SYNE1: variants seen among roughly 807,000 people sequenced by gnomAD.
SYNE1 encodes the protein nesprin-1.
SYNE1 carries 616 observed loss-of-function variants against 1,111.0 expected under a neutral mutation model. The observed-to-expected ratio is 0.55, with a 90% CI of 0.52 to 0.59. The LOEUF (loss-of-function observed/expected upper bound fraction) is 0.59, where lower values mean the gene tolerates loss of function less well. Among genes scored for constraint, SYNE1 ranks in the 20% least tolerant of loss-of-function variants. The pLI is 0.00. For synonymous variants in SYNE1, 3,855 were observed against 3,825.8 expected (o/e 1.01, Z -0.28); for missense variants, 10,006 against 10,417.0 (o/e 0.96, Z 1.72).
chr6:152,245,644 G>A (rs1013204879), intron 105 of SYNE1, among the ~76,000 whole-genome samples: 2 of 152,168 alleles, frequency 1.3e-5, no homozygotes, highest in African/African-American at 4.8e-5. Flanking sequence ...AAGAATACAT[G>A]ATAATTGACT....
Position 152,249,155 on chromosome 6 carries a change from A to C in SYNE1, c.19572+6T>G, listed in dbSNP as rs757386541. On this transcript the variant is annotated splice_donor_region_variant and intron_variant, in intron 105 of 145. Transcript: ENST00000367255. The stretch of plus-strand genomic sequence containing the variant: ...TTCTCTTCTAGGAAAAGGCAGCTAT[A>C]AATACCTCTATTTGTTCTGCTACGG... 10 of 1,594,956 alleles carry C rather than the reference A, an allele frequency of 6.3e-6. No homozygotes were observed. Among genetic ancestry groups the C allele is most frequent in the Non-Finnish European group, 6.0e-6 (7 of 1,162,588 alleles).
At chr6:152,633,444 C>T (rs375037597) in intron 2 of SYNE1, among the ~76,000 whole-genome samples, 14 of 152,268 alleles carry the variant, frequency 9.2e-5, no homozygotes, top group African/African-American at 2.4e-4. Context: ...AGCTTATGTG[C>T]CGGTAGAGGA....
In SYNE1 at chr6:152,236,177, A is replaced by G; in HGVS notation, c.20326T>C (p.Trp6776Arg). ...ESQLNQLGEC[W>R]LSNTNKMSKE... ...GACATTTTATTGGTGTTACTTAGCC[A>G]GCACTCTCCAAGTTGATTTAGTTGG... The change falls in exon 110 of 146, where the codon TGG becomes CGG. Residue 6776 changes from tryptophan to arginine, a missense_variant. By Grantham distance (101) the Trp-to-Arg change is moderately radical. Coordinates refer to ENST00000367255, the MANE Select transcript of SYNE1 (RefSeq NM_182961.4). 6.2e-7 allele frequency: 1 copy of G among 1,614,234 alleles called. No homozygotes were observed. The highest frequency in any genetic ancestry group is 2.2e-5 in the East Asian group (1 of 44,880).
chr6:152,477,981 G>T (rs534930121), intron 14 of SYNE1, among the ~76,000 whole-genome samples: 76 of 152,176 alleles, frequency 5.0e-4, no homozygotes, highest in Non-Finnish European at 9.6e-4. Flanking sequence ...TGGCCAGGTT[G>T]GTCTCAAACT....
intron 145 of SYNE1, 143 bp downstream of exon 145, chr6:152,130,577 G>A (rs904608099): frequency 5.1e-6 from 4 of 784,926 alleles, no homozygotes; most frequent in Non-Finnish European, 8.8e-6. Flanking sequence ...CTCTTCCAAT[G>A]TATGAGGAAA....
Position 152,507,476 on chromosome 6 carries a change from C to T in SYNE1, c.582-2079G>A, listed in dbSNP as rs112122838. On this transcript the variant is annotated intron_variant, in intron 8 of 145. Transcript: ENST00000367255. ...AAATATATGTAGGTATGCACACACA[C>T]ACATACACACACACTGTTTCCTATT... 9.2e-4 allele frequency among the ~76,000 whole-genome samples: 140 copies of T among 152,224 alleles called. 1 individual carries two copies. Among genetic ancestry groups the T allele is most frequent in the African/African-American group, 3.2e-3 (132 of 41,536 alleles).
At chr6:152,241,145 C>T (rs759196428) in intron 107 of SYNE1, among the ~76,000 whole-genome samples, 30 of 152,156 alleles carry the variant, frequency 2.0e-4, no homozygotes, top group Non-Finnish European at 3.7e-4. Context: ...ACTCATTGAT[C>T]CTAGTTTCCC....
intron 91 of SYNE1, among the ~76,000 whole-genome samples, chr6:152,306,958 C>T (rs902192850): frequency 6.5e-5 from 8 of 122,534 alleles, no homozygotes; most frequent in Non-Finnish European, 1.3e-4. Context: ...AACCGTACAA[C>T]AAAAAAGTTT....
chr6:152,500,577 T>C (rs1420613198), intron 10 of SYNE1, among the ~76,000 whole-genome samples: 2 of 152,244 alleles, frequency 1.3e-5, no homozygotes, highest in African/African-American at 4.8e-5. Context: ...TTTCTAACTA[T>C]TGGCGTGATG....
chr6:152,497,383 C>G (rs2099005371), intron 11 of SYNE1, among the ~76,000 whole-genome samples: 1 of 152,188 alleles, frequency 6.6e-6, no homozygotes, highest in Non-Finnish European at 1.5e-5. Flanking sequence ...GTTTTATTAT[C>G]AGTTGATTCT....
intron 145 of SYNE1, chr6:152,129,076 G>A (rs1236224538): frequency 6.6e-6 from 1 of 152,280 alleles, no homozygotes; most frequent in Admixed American, 6.5e-5. Context: ...GGCGCCTTGC[G>A]AGTGTCGTAG....
intron 3 of SYNE1, among the ~76,000 whole-genome samples, chr6:152,585,937 CTG>C (rs767338011): frequency 1.4e-4 from 22 of 151,952 alleles, no homozygotes; most frequent in Non-Finnish European, 2.5e-4. Flanking sequence ...TTTGGGGTGT[CTG>C]TGTGTGCTGT....
At chr6:152,381,522 T>C (rs963453302) in intron 55 of SYNE1, 160 bp from the exon 56 acceptor site, 31 of 752,836 alleles carry the variant, frequency 4.1e-5, no homozygotes, top group African/African-American at 4.0e-4. Context: ...TAAATTATAA[T>C]AGCGGGAGTT....
At chr6:152,137,723 T>C (rs1441111974) in intron 140 of SYNE1, among the ~76,000 whole-genome samples, 1 of 152,200 alleles carries the variant, frequency 6.6e-6, no homozygotes, top group Non-Finnish European at 1.5e-5. Context: ...AGCCCTGCAA[T>C]GTTCCCAATC....
intron 5 of SYNE1, among the ~76,000 whole-genome samples, chr6:152,523,769 C>T (rs2099151541): frequency 6.6e-6 from 1 of 151,854 alleles, no homozygotes; most frequent in South Asian, 2.1e-4. Flanking sequence ...TCTTTCAACT[C>T]CTTGATTAAA....
intron 18 of SYNE1, among the ~76,000 whole-genome samples, chr6:152,463,793 A>G (rs1462399383): frequency 2.0e-5 from 3 of 152,218 alleles, no homozygotes; most frequent in African/African-American, 7.2e-5. Context: ...TTTACAGATT[A>G]AAAAGCTGAA....
intron 125 of SYNE1, among the ~76,000 whole-genome samples, chr6:152,206,600 G>A (rs1271618676): frequency 6.6e-6 from 1 of 152,180 alleles, no homozygotes; most frequent in African/African-American, 2.4e-5. Flanking sequence ...CTTTAAGATT[G>A]ATGCGTGGAA....
chr6:152,319,184 C>T (rs1435761246), intron 84 of SYNE1, among the ~76,000 whole-genome samples, 169 bp from the exon 85 acceptor site: 1 of 152,222 alleles, frequency 6.6e-6, no homozygotes, highest in East Asian at 1.9e-4. Context: ...CTTTCCCTGA[C>T]TTCACTATCT....
Position 152,368,752 on chromosome 6 carries a change from C to A in SYNE1, c.9807+220G>T. 5.2e-6 allele frequency: 3 copies of A among 582,310 alleles called. No homozygotes were observed. In the Admixed American group the frequency reaches 8.3e-5, roughly 16 times the overall value. 36.1% of individuals were successfully genotyped at this position (582,310 alleles called of 1,614,324 possible). A position where few individuals can be genotyped will look rare whatever the true frequency, so the allele number is the denominator to read the frequency against. On this transcript the variant is annotated intron_variant, in intron 61 of 145. Transcript: ENST00000367255. ...CTGAAAGTCTCCTCAATCTTTGAAA[C>A]CTCCTTCGGCCTTTTCAGAGAGCCA...
Sources: allele counts gnomAD v4.1 joint callset (sites outside exome capture counted in the v4.1 genomes callset), GRCh38; gene constraint gnomAD v4.1.1; transcripts MANE v1.5; gene names NCBI Gene and HGNC (gene_info 2026-07-23, HGNC 2026-07-21).